EMC2: variants seen among roughly 807,000 people sequenced by gnomAD.
EMC2 encodes ER membrane protein complex subunit 2.
Under a neutral mutation model 51.6 loss-of-function variants are expected in EMC2, and 37 were observed. The ratio of observed to expected loss-of-function variants is 0.72; its 90% CI spans 0.55 to 0.94. EMC2 has a LOEUF of 0.94. Among genes scored for constraint, EMC2 ranks in the 40% least tolerant of loss-of-function variants. EMC2 has a pLI of 0.00. For missense variants in EMC2, 359 were observed against 350.9 expected, an observed-to-expected ratio of 1.02 and a Z score of -0.18; for synonymous variants, 131 against 112.4, an observed-to-expected ratio of 1.17 and a Z score of -1.04.
intron 5 of EMC2, chr8:108,463,948 CT>C (rs1456228568): frequency 6.6e-6 from 1 of 152,538 alleles, no homozygotes; most frequent in Non-Finnish European, 1.5e-5. Context: ...CCACTAACCC[CT>C]CATTCACCTG....
intron 10 of EMC2, among the ~76,000 whole-genome samples, chr8:108,485,827 T>A: frequency 6.6e-6 from 1 of 151,738 alleles, no homozygotes; most frequent in Middle Eastern, 3.4e-3. Context: ...GTATTTATTT[T>A]GTTTTCATAG....
In EMC2 at chr8:108,486,582, A is replaced by T. The variant is rs1414072757; in HGVS notation, c.878A>T (p.Gln293Leu). 6.2e-7 allele frequency: 1 copy of T among 1,606,122 alleles called. No homozygotes were observed. The highest frequency in any genetic ancestry group is 2.2e-5 in the East Asian group (1 of 44,558). ...GTCGAAGACATGTTGGAAACATTGC[A>T]GATCACCCAGTCTTAAGGTTTCAAA... Reference protein sequence around the residue: ...KAVEDMLETLQITQS With the variant: ...KAVEDMLETLLITQS The change falls in exon 11 of 11, where the codon CAG (glutamine) becomes CTG (leucine). Residue 293 changes from glutamine (Q) to leucine (L), a missense_variant. Transcript: ENST00000220853.
chr8:108,488,241 T>C lies in EMC2; in HGVS notation c.*1643T>C, dbSNP rs1480763288. ...GTGCAGTGACGTGATCGCAGCTCAC[T>C]GCAACCTCCTCCCGGGTTCAAGCGA... On this transcript the variant is annotated 3_prime_UTR_variant, in exon 11 of 11. Transcript: ENST00000220853. Among the ~76,000 whole-genome samples the C allele has an allele frequency of 6.6e-6, 1 of 151,274 alleles. No individual in the cohort carries two copies. The highest frequency in any genetic ancestry group is 2.0e-4 in the East Asian group (1 of 5,114).
At chr8:108,448,642 A>G (rs1818937509) in intron 1 of EMC2, among the ~76,000 whole-genome samples, 2 of 152,136 alleles carry the variant, frequency 1.3e-5, no homozygotes, top group South Asian at 4.1e-4. Flanking sequence ...GCCACGTGGA[A>G]CTGCAAGTCC....
Position 108,453,123 on chromosome 8 carries a change from G to A in EMC2, c.281G>A (p.Gly94Asp). Residue 94 changes from glycine (G) to aspartate (D), a missense_variant, in exon 4 of 11, where the codon GGC (glycine) becomes GAC (aspartate). By Grantham distance (94) the Gly-to-Asp change is moderately conservative. Transcript: ENST00000220853. ...PGSHRVKRLT[G>D]MRFEAMERYD... ...AGTCACAGAGTCAAGCGATTAACAG[G>A]CATGAGATTTGAAGCCATGGAAAGG... 3.7e-6 allele frequency: 6 copies of A among 1,607,428 alleles called. No individual in the cohort carries two copies. Among genetic ancestry groups the A allele is most frequent in the Non-Finnish European group, 5.1e-6 (6 of 1,176,278 alleles).
chr8:108,483,735 T>C (rs1250055984), intron 10 of EMC2, among the ~76,000 whole-genome samples: 1 of 152,170 alleles, frequency 6.6e-6, no homozygotes, highest in African/African-American at 2.4e-5. Flanking sequence ...AGTTTTCTTA[T>C]AGATCTTACA....
intron 3 of EMC2, among the ~76,000 whole-genome samples, chr8:108,452,337 C>G (rs1819047459): frequency 6.6e-6 from 1 of 152,160 alleles, no homozygotes; most frequent in Admixed American, 6.5e-5. Context: ...GAGGCCAAGG[C>G]AGGCGGATCA....
rs532659252 is a variant in EMC2 at position 108,451,895 on chromosome 8, A to G, written c.220-1167A>G. Among the ~76,000 whole-genome samples the G allele has an allele frequency of 2.2e-4, 33 of 152,338 alleles. 1 individual carries two copies. Among genetic ancestry groups the G allele is most frequent in the Admixed American group, 9.1e-4 (14 of 15,306 alleles). The stretch of plus-strand genomic sequence containing the variant: ...TGATATCAAAGAAATAAATGAACAT[A>G]TCTTCACTTTTGATTAACTTGAATA... On this transcript the variant is annotated intron_variant, in intron 3 of 10. Transcript: ENST00000220853.
Position 108,477,920 on chromosome 8 carries a change from G to A in EMC2, c.702+1028G>A, listed in dbSNP as rs916902249. 3.9e-5 allele frequency among the ~76,000 whole-genome samples: 6 copies of A among 152,148 alleles called. No individual in the cohort carries two copies. The South Asian group carries it at 6.2e-4, about 16-fold the overall frequency. On this transcript the variant is annotated intron_variant, in intron 9 of 10. Transcript: ENST00000220853. Reference sequence around the variant, plus strand: ...AATACTATCCTCAGGTGGTGAAACTGAGACACAGATTTAATTAATTTGCCC... The same window carrying A: ...AATACTATCCTCAGGTGGTGAAACTAAGACACAGATTTAATTAATTTGCCC...
chr8:108,450,009 T>C, intron 2 of EMC2, 73 bp downstream of exon 2: 1 of 572,702 alleles, frequency 1.7e-6, no homozygotes, highest in Non-Finnish European at 3.1e-6. Context: ...TAACTGTTCT[T>C]TCATTCATGA....
intron 7 of EMC2, chr8:108,470,891 G>A (rs1810842656): frequency 6.6e-6 from 1 of 151,924 alleles, no homozygotes; most frequent in Non-Finnish European, 1.5e-5. Flanking sequence ...TCTTGTGCAT[G>A]AATATTTAAC....
chr8:108,476,949 TTAAC>T lies in EMC2; in HGVS notation c.702+60_702+63del, dbSNP rs1586191889. ...TAAAAATCTGTCACTTAAAATCCAT[TTAAC>T]TATCCCCTTCAATCACTCCTCTCCT... On this transcript the variant is annotated intron_variant, in intron 9 of 10. Coordinates refer to ENST00000220853, the MANE Select transcript of EMC2 (RefSeq NM_014673.5). 5 of 832,466 alleles carry T rather than the reference TTAAC, an allele frequency of 6.0e-6. No homozygotes were observed. The East Asian group carries it at 1.0e-4, about 17-fold the overall frequency. 51.6% of individuals were successfully genotyped at this position (832,466 alleles called of 1,614,324 possible).
intron 1 of EMC2, 25 bp downstream of exon 1, chr8:108,443,723 G>A (rs1563688093): frequency 2.5e-6 from 4 of 1,597,764 alleles, no homozygotes; most frequent in Admixed American, 3.4e-5. Context: ...GGGCGGGTGC[G>A]GAAAGACTAA....
At chr8:108,456,605 C>T (rs1353026465) in intron 5 of EMC2, among the ~76,000 whole-genome samples, 1 of 151,960 alleles carries the variant, frequency 6.6e-6, no homozygotes, top group African/African-American at 2.4e-5. Context: ...AAACATACCC[C>T]TTTAATTTAG....
chr8:108,465,440 CAT>C (rs1352248567), intron 5 of EMC2, among the ~76,000 whole-genome samples: 3 of 152,198 alleles, frequency 2.0e-5, no homozygotes, highest in East Asian at 1.9e-4. Flanking sequence ...ATATTTAACA[CAT>C]GTCACTTAAA....
At chr8:108,453,177 G>T in intron 4 of EMC2, 30 bp downstream of exon 4, 1 of 1,343,912 alleles carries the variant, frequency 7.4e-7, no homozygotes, top group Non-Finnish European at 1.0e-6. Flanking sequence ...TGGCAGGCAT[G>T]GAGCCTGTTA....
chr8:108,451,028 C>T (rs1819005706), intron 3 of EMC2, among the ~76,000 whole-genome samples: 1 of 152,018 alleles, frequency 6.6e-6, no homozygotes, highest in Non-Finnish European at 1.5e-5. Flanking sequence ...GTGGTGAAAC[C>T]CCGTCTCTAG....
intron 10 of EMC2, among the ~76,000 whole-genome samples, chr8:108,482,487 C>T (rs187328689): frequency 6.6e-5 from 10 of 152,228 alleles, no homozygotes; most frequent in East Asian, 5.8e-4. Flanking sequence ...TTGCTACTCA[C>T]GGTCATAAAG....
chr8:108,470,477 T>G (rs113406780), intron 7 of EMC2, among the ~76,000 whole-genome samples: 1 of 152,190 alleles, frequency 6.6e-6, no homozygotes, highest in Non-Finnish European at 1.5e-5. Context: ...ATTGTTCTTA[T>G]ATACAAAGAG....
Sources: gnomAD v4.1 joint callset for allele counts (sites outside exome capture counted in the v4.1 genomes callset) on GRCh38, gnomAD v4.1.1 for gene constraint, MANE v1.5 for transcripts, NCBI Gene and HGNC (gene_info 2026-07-23, HGNC 2026-07-21) for gene names.